The following BTBD8 variants were observed in gnomAD, a reference collection of about 807,000 sequenced individuals.
The protein encoded by BTBD8 is BTB domain containing 8, also known as BTB/POZ domain-containing protein 8.
Under a neutral mutation model 162.9 loss-of-function variants are expected in BTBD8, and 110 were observed. The observed-to-expected ratio is 0.68, with a 90% CI of 0.58 to 0.79. The LOEUF is 0.79. Ranked by LOEUF, BTBD8 falls within the 30% of genes least tolerant of loss-of-function variation. The pLI, the probability that BTBD8 is intolerant of heterozygous loss-of-function variation, is 0.00. For synonymous variants in BTBD8, 667 were observed against 716.1 expected (o/e 0.93, Z 1.10); for missense variants, 1,905 against 2,085.4 (o/e 0.91, Z 1.68).
chr1:92,110,098 G>T (rs957528505), intron 4 of BTBD8, among the ~76,000 whole-genome samples: 2 of 152,112 alleles, frequency 1.3e-5, no homozygotes, highest in African/African-American at 4.8e-5. Flanking sequence ...GTCTTCCAAG[G>T]TAGTCTCTCC....
intron 5 of BTBD8, 71 bp downstream of exon 5, chr1:92,129,847 A>T: frequency 7.9e-7 from 1 of 1,260,646 alleles, no homozygotes. Context: ...AGCACTTTTT[A>T]TGAATCTGAT....
Position 92,181,199 on chromosome 1 carries a change from AC to A in BTBD8, c.3517del (p.Leu1173Ter). On this transcript the variant is annotated frameshift_variant, in exon 17 of 18. Coordinates refer to ENST00000636805, the MANE Select transcript of BTBD8 (RefSeq NM_001376131.1). LOFTEE classifies it high-confidence loss of function. ...AAAAATCGAAAGTTCCTGTGGAAGG[AC>A]TGACAATTCCTAGTAAGTTGTCAGA... ...DKKSKVPVEG[L>X]TIPSKLSDES... 2.6e-6 allele frequency: 4 copies of A among 1,551,736 alleles called. No individual in the cohort carries two copies. The highest frequency in any genetic ancestry group is 3.5e-6 in the Non-Finnish European group (4 of 1,146,986).
chr1:92,174,564 G>A (rs903914898), intron 13 of BTBD8, among the ~76,000 whole-genome samples: 6 of 152,164 alleles, frequency 3.9e-5, no homozygotes, highest in Non-Finnish European at 8.8e-5. Flanking sequence ...TCAGTGTTAA[G>A]GGTGGGAAGG....
chr1:92,118,282 CTTTTTTT>C (rs3040583), intron 4 of BTBD8, among the ~76,000 whole-genome samples: 9 of 122,308 alleles, frequency 7.4e-5, no homozygotes, highest in Admixed American at 4.1e-4. Flanking sequence ...TTCAGACTTT[CTTTTTTT>C]TTTTTTTTTT....
intron 4 of BTBD8, chr1:92,115,189 A>G (rs1649000520): frequency 1.9e-6 from 1 of 535,098 alleles, no homozygotes; most frequent in Admixed American, 2.2e-5. Context: ...AGATGCAGGG[A>G]TGATGTTCTG....
chr1:92,130,156 G>A (rs1391930454), intron 5 of BTBD8, among the ~76,000 whole-genome samples: 1 of 152,094 alleles, frequency 6.6e-6, no homozygotes, highest in African/African-American at 2.4e-5. Context: ...CTTGGTGCGT[G>A]CACTTGGAGA....
At chr1:92,174,500 A>C (rs939597219) in intron 13 of BTBD8, among the ~76,000 whole-genome samples, 1 of 152,228 alleles carries the variant, frequency 6.6e-6, no homozygotes, top group African/African-American at 2.4e-5. Context: ...GATTTCACCC[A>C]TAGCGTAATA....
At chr1:92,094,264 C>T (rs1570715169) in intron 2 of BTBD8, among the ~76,000 whole-genome samples, 1 of 152,202 alleles carries the variant, frequency 6.6e-6, no homozygotes, top group Non-Finnish European at 1.5e-5. Context: ...CTGATGTGCA[C>T]ATCTCCATTG....
At chr1:92,139,507 A>C (rs752131406) in intron 6 of BTBD8, 77 bp downstream of exon 6, 1 of 1,529,124 alleles carries the variant, frequency 6.5e-7, no homozygotes, top group East Asian at 2.4e-5. Context: ...CAAAGTGTTA[A>C]TGAAGTAGAA....
chr1:92,163,580 T>A (rs1024750740), intron 9 of BTBD8, among the ~76,000 whole-genome samples: 5 of 147,876 alleles, frequency 3.4e-5, no homozygotes, highest in African/African-American at 9.8e-5. Flanking sequence ...ATTTGAAAAT[T>A]TTTTTTTTTT....
rs145844637 is a variant in BTBD8 at position 92,178,321 on chromosome 1, G to A, written c.2451G>A (p.Lys817=). 733 of 1,549,600 alleles carry A rather than the reference G, an allele frequency of 4.7e-4. 4 individuals are homozygous for A. The African/African-American group carries it at 7.9e-3, about 17-fold the overall frequency. ...AAATAATTTTTTTTAGTGTACTAAAGAAAGTCAGTGGCAAAGGATGTAGTG... is the reference window on the plus strand; with the variant it reads ...AAATAATTTTTTTTAGTGTACTAAAAAAAGTCAGTGGCAAAGGATGTAGTG... ...QDTNVNNSVL[K]KVSGKGCSEP... Residue 817 remains lysine, a synonymous_variant, in exon 16 of 18, where the codon AAG becomes AAA. Coordinates refer to ENST00000636805, the MANE Select transcript of BTBD8 (RefSeq NM_001376131.1).
chr1:92,094,064 G>A (rs1255351591), intron 2 of BTBD8, among the ~76,000 whole-genome samples: 6 of 152,232 alleles, frequency 3.9e-5, no homozygotes, highest in Non-Finnish European at 4.4e-5. Context: ...CCTTCTTGCT[G>A]TGCATTATCT....
At chr1:92,134,349 C>T (rs759758803) in intron 5 of BTBD8, among the ~76,000 whole-genome samples, 5 of 152,188 alleles carry the variant, frequency 3.3e-5, no homozygotes, top group Non-Finnish European at 7.3e-5. Flanking sequence ...AACTCTTGAC[C>T]ATGACCTGCA....
At chr1:92,088,667 T>C (rs1648219451) in intron 1 of BTBD8, 31 bp from the exon 2 acceptor site, 1 of 1,480,400 alleles carries the variant, frequency 6.8e-7, no homozygotes, top group Non-Finnish European at 9.1e-7. Flanking sequence ...GTATCACTAA[T>C]TAAACTATGA....
At chr1:92,083,749 G>A (rs1454846686) in intron 1 of BTBD8, among the ~76,000 whole-genome samples, 1 of 152,122 alleles carries the variant, frequency 6.6e-6, no homozygotes, top group African/African-American at 2.4e-5. Flanking sequence ...GAAACAAGGA[G>A]ACCAGCTGGG....
At chr1:92,174,215 G>A (rs1008558142) in intron 13 of BTBD8, among the ~76,000 whole-genome samples, 3 of 152,042 alleles carry the variant, frequency 2.0e-5, no homozygotes, top group African/African-American at 7.2e-5. Context: ...TTTTGAGACA[G>A]GGTCTCACTC....
At chr1:92,134,714 AC>A (rs1191915594) in intron 5 of BTBD8, among the ~76,000 whole-genome samples, 4 of 152,020 alleles carry the variant, frequency 2.6e-5, no homozygotes, top group Admixed American at 2.0e-4. Context: ...TCTTATATCT[AC>A]AAAGTTTAGA....
chr1:92,086,204 G>A lies in BTBD8; in HGVS notation c.150-2494G>A, dbSNP rs1319668000. 2.6e-5 allele frequency among the ~76,000 whole-genome samples: 4 copies of A among 152,190 alleles called. No homozygotes were observed. In the South Asian group the frequency reaches 6.2e-4, roughly 24 times the overall value. ...CAAGGGGTTTTATGCCCTGAGCCCC[G>A]GATTCCATCCAAGCCACTAGGGGTT... On this transcript the variant is annotated intron_variant, in intron 1 of 17. Coordinates refer to ENST00000636805, the MANE Select transcript of BTBD8 (RefSeq NM_001376131.1).
chr1:92,182,562 A>G lies in BTBD8; in HGVS notation c.4879A>G (p.Thr1627Ala), dbSNP rs1358703469. 1.3e-6 allele frequency: 2 copies of G among 1,514,040 alleles called. No individual in the cohort carries two copies. Among genetic ancestry groups the G allele is most frequent in the South Asian group, 2.6e-5 (2 of 76,766 alleles). 93.8% of individuals were successfully genotyped at this position (1,514,040 alleles called of 1,614,324 possible). A position where few individuals can be genotyped will look rare whatever the true frequency, so the allele number is the denominator to read the frequency against. Residue 1627 changes from threonine to alanine, a missense_variant, in exon 17 of 18, where the codon ACT (threonine) becomes GCT (alanine). Thr to Ala is a moderately conservative substitution (Grantham distance 58). Transcript: ENST00000636805. The stretch of plus-strand genomic sequence containing the variant: ...TCCAGTGAAAGAGAGCCATTCTACA[A>G]CTACTGAAAAAGCTAATATTGCTTT... ...EGPVKESHSTTTEKANIALSA... is the reference protein window; with the variant it reads ...EGPVKESHSTATEKANIALSA...
Sources: allele counts gnomAD v4.1 joint callset (sites outside exome capture counted in the v4.1 genomes callset), GRCh38; gene constraint gnomAD v4.1.1; transcripts MANE v1.5; gene names NCBI Gene and HGNC (gene_info 2026-07-23, HGNC 2026-07-21).